PROM1: variants seen among roughly 807,000 people sequenced by gnomAD.
PROM1 encodes prominin-1.
PROM1 carries 105 observed loss-of-function variants against 116.9 expected under a neutral mutation model. The ratio of observed to expected loss-of-function variants is 0.90; its 90% confidence interval spans 0.77 to 1.06. The LOEUF is 1.06. PROM1 is among the 50% of genes least tolerant of loss of function. PROM1 has a pLI of 0.00. For synonymous variants in PROM1, 393 were observed against 387.0 expected, an observed-to-expected ratio of 1.02 and a Z score of -0.18; for missense variants, 1,122 against 1,045.2, an observed-to-expected ratio of 1.07 and a Z score of -1.01.
At chr4:16,068,320 C>T (rs147558517) in intron 2 of PROM1, among the ~76,000 whole-genome samples, 16 of 152,308 alleles carry the variant, frequency 1.1e-4, no homozygotes, top group South Asian at 1.0e-3. Flanking sequence ...TAAAGTTCCA[C>T]GTTACCAAAT....
intron 1 of PROM1, among the ~76,000 whole-genome samples, chr4:16,080,202 A>C (rs1246490022): frequency 6.6e-6 from 1 of 151,342 alleles, no homozygotes; most frequent in Non-Finnish European, 1.5e-5. Flanking sequence ...TGGAGTCCAG[A>C]GAACTGCATT....
At position 15,986,295 on chromosome 4, in the gene PROM1, C is replaced by T. The variant is rs537935234; in HGVS notation, c.2131-258G>A. Among the ~76,000 whole-genome samples the T allele has an allele frequency of 3.3e-5, 5 of 152,192 alleles. No homozygotes were observed. The East Asian group carries it at 5.8e-4, about 18-fold the overall frequency. On this transcript the variant is annotated intron_variant, in intron 20 of 27. Coordinates refer to ENST00000447510, the MANE Select transcript of PROM1 (RefSeq NM_006017.3). ...TGCTGGACTTGCTGGAAACTCACAA[C>T]GAGGCAGGAAGGAAGGTACTGTTTG... is the stretch of plus-strand genomic sequence containing the variant.
chr4:15,985,378 G>C (rs1357423104), intron 22 of PROM1: 1 of 212,742 alleles, frequency 4.7e-6, no homozygotes, highest in East Asian at 1.6e-4. Context: ...TATTCTCTCT[G>C]AGCCTCGGTT....
intron 23 of PROM1, among the ~76,000 whole-genome samples, chr4:15,981,623 T>C (rs55808189): frequency 0.078 from 11,832 of 152,094 alleles, 530 homozygotes; most frequent in Non-Finnish European, 0.087. Flanking sequence ...GGCTTTGTTC[T>C]GCATCTGAGC....
chr4:16,009,250 A>G, intron 11 of PROM1, 142 bp from the exon 12 acceptor site: 1 of 697,634 alleles, frequency 1.4e-6, no homozygotes, highest in Non-Finnish European at 2.4e-6. Flanking sequence ...AGATTCTTCA[A>G]CAAGCATGAA....
At chr4:16,039,720 A>AG (rs2149412333) in intron 2 of PROM1, among the ~76,000 whole-genome samples, 1 of 151,998 alleles carries the variant, frequency 6.6e-6, no homozygotes, top group East Asian at 1.9e-4. Flanking sequence ...ACTGTCAAAA[A>AG]AAAAAAAAAA....
Position 15,976,663 on chromosome 4 carries a change from C to A in PROM1, c.2582+2732G>T, listed in dbSNP as rs972958426. Among the ~76,000 whole-genome samples, 90 of 152,350 alleles carry A rather than the reference C, an allele frequency of 5.9e-4. 1 individual carries two copies. The highest frequency in any genetic ancestry group is 2.1e-3 in the African/African-American group (87 of 41,584). Reference sequence around the variant, plus strand: ...AAAGGTCTGTGGCAGTACTGGTGTGCTGAGAGGACCCTGGCATCTCAAAGG... The same window carrying A: ...AAAGGTCTGTGGCAGTACTGGTGTGATGAGAGGACCCTGGCATCTCAAAGG... On this transcript the variant is annotated intron_variant, in intron 26 of 27. Coordinates refer to ENST00000447510, the MANE Select transcript of PROM1 (RefSeq NM_006017.3).
chr4:16,024,430 A>G (rs1578092928), intron 6 of PROM1, 72 bp from the exon 7 acceptor site: 1 of 1,297,798 alleles, frequency 7.7e-7, no homozygotes, highest in East Asian at 2.4e-5. Flanking sequence ...AAAGAGATTT[A>G]ATATACAAAA....
At chr4:15,981,559 G>GA (rs980371452) in intron 23 of PROM1, among the ~76,000 whole-genome samples, 3 of 148,270 alleles carry the variant, frequency 2.0e-5, no homozygotes, top group African/African-American at 7.5e-5. Context: ...GCAACAGAAC[G>GA]AGACTCTATC....
At chr4:16,054,875 C>T (rs897991276) in intron 2 of PROM1, among the ~76,000 whole-genome samples, 1 of 152,000 alleles carries the variant, frequency 6.6e-6, no homozygotes, top group Non-Finnish European at 1.5e-5. Context: ...AAAATCATCC[C>T]TATCCTCAAA....
At chr4:15,993,743 G>A (rs1367728135) in intron 16 of PROM1, among the ~76,000 whole-genome samples, 1 of 152,160 alleles carries the variant, frequency 6.6e-6, no homozygotes, top group African/African-American at 2.4e-5. Context: ...CCCCTCTAGA[G>A]GCTCTTGCAT....
intron 3 of PROM1, 73 bp from the exon 4 acceptor site, chr4:16,035,834 T>A (rs1578146386): frequency 2.1e-6 from 3 of 1,395,502 alleles, no homozygotes; most frequent in Non-Finnish European, 3.1e-6. Context: ...GAAAAAGTTA[T>A]GAGTGATCAA....
intron 26 of PROM1, chr4:15,976,296 A>T (rs989118141): frequency 2.3e-6 from 1 of 433,912 alleles, no homozygotes; most frequent in Non-Finnish European, 4.6e-6. Flanking sequence ...TTCCATCATC[A>T]TGCCTTTTTT....
intron 10 of PROM1, among the ~76,000 whole-genome samples, chr4:16,014,805 T>C (rs1192046155): frequency 2.0e-5 from 3 of 152,182 alleles, no homozygotes; most frequent in African/African-American, 4.8e-5. Context: ...AAAGAAATAT[T>C]TATTGCATAC....
Position 15,980,014 on chromosome 4 carries a change from T to G in PROM1, c.2490-110A>C, listed in dbSNP as rs947892021. The stretch of plus-strand genomic sequence containing the variant: ...TAACACGGATACTGACAGTGCAAAC[T>G]CAGGAAAGACCCATGTTGAAAGATA... On this transcript the variant is annotated intron_variant, in intron 24 of 27. Transcript: ENST00000447510. The G allele has an allele frequency of 1.2e-5, 8 of 694,512 alleles. No homozygotes were observed. In the Admixed American group the frequency reaches 2.3e-4, roughly 20 times the overall value. 43.0% of individuals were successfully genotyped at this position (694,512 alleles called of 1,614,324 possible).
chr4:15,973,948 T>C (rs1370154259), intron 26 of PROM1, among the ~76,000 whole-genome samples: 1 of 152,166 alleles, frequency 6.6e-6, no homozygotes, highest in African/African-American at 2.4e-5. Flanking sequence ...GTGGTCATCC[T>C]GCCCGGTTCC....
chr4:16,060,108 T>A lies in PROM1; in HGVS notation c.220+15579A>T, dbSNP rs150278908. Among the ~76,000 whole-genome samples the A allele has an allele frequency of 1.0e-2, 1,519 of 152,222 alleles. 21 individuals carry two copies. Among genetic ancestry groups the A allele is most frequent in the African/African-American group, 0.034 (1,424 of 41,538 alleles). ...AAACGCTGATAACAATGGTTGCCTA[T>A]AAAGGGAGGCGGGGGGCTGAGAATC... On this transcript the variant is annotated intron_variant, in intron 2 of 27. Coordinates refer to ENST00000447510, the MANE Select transcript of PROM1 (RefSeq NM_006017.3).
intron 2 of PROM1, among the ~76,000 whole-genome samples, chr4:16,050,613 C>T (rs1046329164): frequency 6.6e-6 from 1 of 152,292 alleles, no homozygotes; most frequent in African/African-American, 2.4e-5. Context: ...CTCGGCCTCC[C>T]GAAAAGTGCT....
chr4:15,987,678 T>C lies in PROM1; in HGVS notation c.2115A>G (p.Thr705=), dbSNP rs758987229. 1.9e-6 allele frequency: 3 copies of C among 1,611,632 alleles called. No individual in the cohort carries two copies. Among genetic ancestry groups the C allele is most frequent in the South Asian group, 2.2e-5 (2 of 90,206 alleles). ...AAACCCTTACCAACAATCCATTCCC[T>C]GTGCGTTGAAGTATCTTGACGCTTT... is the stretch of plus-strand genomic sequence containing the variant. The part of the protein sequence containing the change: ...LYQSVKILQR[T]GNGLLERVTR... The change falls in exon 20 of 28, where the codon ACA becomes ACG. Residue 705 remains threonine (T), a synonymous_variant. Transcript: ENST00000447510.
Sources: gnomAD v4.1 joint callset for allele counts (sites outside exome capture counted in the v4.1 genomes callset) on GRCh38, gnomAD v4.1.1 for gene constraint, MANE v1.5 for transcripts, NCBI Gene and HGNC (gene_info 2026-07-23, HGNC 2026-07-21) for gene names.